The following ZNF79 variants were observed in gnomAD, a reference collection of about 807,000 sequenced individuals.
ZNF79 encodes the protein zinc finger protein 79, also known as ZNFpT7.
In ZNF79, 13 loss-of-function variants were observed where a neutral mutation model predicts 14.9. The ratio of observed to expected loss-of-function variants is 0.87; its 90% confidence interval spans 0.57 to 1.38. ZNF79 has a LOEUF of 1.38. Ranked by LOEUF, ZNF79 falls within the 40% of genes most tolerant of loss-of-function variation. The pLI, the probability that ZNF79 is intolerant of heterozygous loss-of-function variation, is 0.00. For synonymous variants in ZNF79, 223 were observed against 235.1 expected (o/e 0.95, Z 0.47); for missense variants, 631 against 630.6 (o/e 1.00, Z -0.01).
At chr9:127,432,050 T>A (rs1186569580) in intron 2 of ZNF79, among the ~76,000 whole-genome samples, 2 of 152,192 alleles carry the variant, frequency 1.3e-5, no homozygotes, top group Non-Finnish European at 2.9e-5. Flanking sequence ...ATTTTCATTT[T>A]TAAAATTTGC....
At chr9:127,438,849 G>A (rs915676541) in intron 4 of ZNF79, among the ~76,000 whole-genome samples, 3 of 152,166 alleles carry the variant, frequency 2.0e-5, no homozygotes, top group Non-Finnish European at 2.9e-5. Context: ...AGTGGCTCAC[G>A]CTTGTAATCC....
chr9:127,444,945 G>A lies in ZNF79; in HGVS notation c.1245G>A (p.Lys415=), dbSNP rs200154219. 6.2e-7 allele frequency: 1 copy of A among 1,613,968 alleles called. No homozygotes were observed. Among genetic ancestry groups the A allele is most frequent in the Non-Finnish European group, 8.5e-7 (1 of 1,180,008 alleles). ...IIHQKTHTGE[K]PYKCNECGKF... ...ACCAAAAGACCCACACCGGGGAGAA[G>A]CCATATAAATGTAATGAATGTGGGA... is the stretch of plus-strand genomic sequence containing the variant. The change falls in exon 5 of 5, where the codon AAG becomes AAA. Residue 415 remains lysine, a synonymous_variant. Coordinates refer to ENST00000342483, the MANE Select transcript of ZNF79 (RefSeq NM_007135.3).
In ZNF79 at chr9:127,445,237, C is replaced by T. The variant is rs370536293; in HGVS notation, c.*40C>T. 2.9e-5 allele frequency: 46 copies of T among 1,591,346 alleles called. No individual in the cohort carries two copies. The highest frequency in any genetic ancestry group is 3.5e-5 in the Non-Finnish European group (41 of 1,165,442). ...GAAGTGGAGAGAGTCCCGGACATGC[C>T]GACTCAGGACAGGTGGGTGAGGATC... On this transcript the variant is annotated 3_prime_UTR_variant, in exon 5 of 5. Transcript: ENST00000342483.
intron 4 of ZNF79, among the ~76,000 whole-genome samples, chr9:127,438,636 TC>T (rs767602824): frequency 3.3e-5 from 5 of 152,180 alleles, no homozygotes; most frequent in Non-Finnish European, 5.9e-5. Context: ...TGCGGATTCT[TC>T]CTGGCCTCTG....
chr9:127,424,442 C>G lies in ZNF79; in HGVS notation c.-346C>G. 1 of 278,840 alleles carries G rather than the reference C, an allele frequency of 3.6e-6. No homozygotes were observed. The highest frequency in any genetic ancestry group is 7.0e-6 in the Non-Finnish European group (1 of 141,918). The allele number at this position is 278,840 out of a possible 1,614,324, so 17.3% of individuals were successfully genotyped here. A position where few individuals can be genotyped will look rare whatever the true frequency, so the allele number is the denominator to read the frequency against. Reference sequence around the variant, plus strand: ...CTGGCGTTGGGCGGTACTTGGACAGCGGTTCTTGAGCTCTCGCGGTTGCCG... The same window carrying G: ...CTGGCGTTGGGCGGTACTTGGACAGGGGTTCTTGAGCTCTCGCGGTTGCCG... On this transcript the variant is annotated 5_prime_UTR_variant, in exon 1 of 5. Coordinates refer to ENST00000342483, the MANE Select transcript of ZNF79 (RefSeq NM_007135.3).
chr9:127,434,246 C>T (rs963046893), intron 2 of ZNF79, among the ~76,000 whole-genome samples: 5 of 152,090 alleles, frequency 3.3e-5, no homozygotes, highest in Non-Finnish European at 5.9e-5. Flanking sequence ...TGTGGTCCTC[C>T]CTCCCCGCCT....
rs370717672 is a variant in ZNF79 at position 127,428,826 on chromosome 9, C to T, written c.17-6C>T. 3.8e-6 allele frequency: 6 copies of T among 1,583,630 alleles called. No homozygotes were observed. The highest frequency in any genetic ancestry group is 5.1e-6 in the Non-Finnish European group (6 of 1,166,688). On this transcript the variant is annotated splice_region_variant and splice_polypyrimidine_tract_variant and intron_variant, in intron 1 of 4. Coordinates refer to ENST00000342483, the MANE Select transcript of ZNF79 (RefSeq NM_007135.3). ...TAACATTATTAGTTTTTTTCTCTTTCTCTAGTACTGCCTTCCCCAGGCCCT... is the reference window on the plus strand; with the variant it reads ...TAACATTATTAGTTTTTTTCTCTTTTTCTAGTACTGCCTTCCCCAGGCCCT...
At chr9:127,434,142 T>C (rs1474544478) in intron 2 of ZNF79, among the ~76,000 whole-genome samples, 1 of 152,084 alleles carries the variant, frequency 6.6e-6, no homozygotes. Context: ...CCTCCATGCT[T>C]CTGCTCATGG....
rs202095186 is a variant in ZNF79 at position 127,445,007 on chromosome 9, A to G, written c.1307A>G (p.His436Arg). Residue 436 changes from histidine (H) to arginine (R), a missense_variant, in exon 5 of 5, where the codon CAT (histidine) becomes CGT (arginine). Coordinates refer to ENST00000342483, the MANE Select transcript of ZNF79 (RefSeq NM_007135.3). ...FSESSALIRH[H>R]IIHTGEKPYE... ...GAGAGCTCAGCCCTCATTCGGCATC[A>G]TATAATCCACACCGGAGAAAAACCT... is the stretch of plus-strand genomic sequence containing the variant. 3.7e-6 allele frequency: 6 copies of G among 1,614,108 alleles called. No individual in the cohort carries two copies. Among genetic ancestry groups the G allele is most frequent in the African/African-American group, 1.3e-5 (1 of 74,932 alleles).
rs755043058 is a variant in ZNF79 at position 127,445,243 on chromosome 9, A to G, written c.*46A>G. 6.3e-7 allele frequency: 1 copy of G among 1,583,864 alleles called. No homozygotes were observed. Among genetic ancestry groups the G allele is most frequent in the Non-Finnish European group, 8.6e-7 (1 of 1,161,076 alleles). ...GAGAGAGTCCCGGACATGCCGACTC[A>G]GGACAGGTGGGTGAGGATCTGAGAA... On this transcript the variant is annotated 3_prime_UTR_variant, in exon 5 of 5. Transcript: ENST00000342483.
intron 4 of ZNF79, among the ~76,000 whole-genome samples, chr9:127,436,213 G>T (rs780946717): frequency 3.9e-5 from 6 of 152,244 alleles, no homozygotes; most frequent in Non-Finnish European, 5.9e-5. Flanking sequence ...AGCAAGCTCT[G>T]TCTGCCTCTA....
chr9:127,436,644 C>T (rs1353571770), intron 4 of ZNF79, among the ~76,000 whole-genome samples: 1 of 152,238 alleles, frequency 6.6e-6, no homozygotes, highest in East Asian at 1.9e-4. Flanking sequence ...CCACCTCTGG[C>T]AGGGCCTCAG....
chr9:127,431,567 G>A (rs1833862909), intron 2 of ZNF79, among the ~76,000 whole-genome samples: 1 of 152,152 alleles, frequency 6.6e-6, no homozygotes, highest in South Asian at 2.1e-4. Context: ...TTCTTTTGCT[G>A]TATAGAAGCT....
chr9:127,427,445 C>T (rs902259125), intron 1 of ZNF79, among the ~76,000 whole-genome samples: 1 of 149,972 alleles, frequency 6.7e-6, no homozygotes, highest in African/African-American at 2.4e-5. Context: ...AAACACAAAA[C>T]ATACACACAG....
In ZNF79 at chr9:127,425,718, G is replaced by A. The variant is rs140733534; in HGVS notation, c.16+915G>A. Among the ~76,000 whole-genome samples, 860 of 152,242 alleles carry A rather than the reference G, an allele frequency of 5.6e-3. 2 individuals are homozygous for A. Among genetic ancestry groups the A allele is most frequent in the Non-Finnish European group, 9.7e-3 (661 of 68,010 alleles). ...AGCGATTCTCCTGCCTCAGCCTCCT[G>A]AGTAGCTGGGACTACAGGTGCCCGA... On this transcript the variant is annotated intron_variant, in intron 1 of 4. Coordinates refer to ENST00000342483, the MANE Select transcript of ZNF79 (RefSeq NM_007135.3).
At chr9:127,433,616 T>C (rs1047369904) in intron 2 of ZNF79, among the ~76,000 whole-genome samples, 1 of 152,222 alleles carries the variant, frequency 6.6e-6, no homozygotes, top group Admixed American at 6.5e-5. Flanking sequence ...AGCTGACCTG[T>C]GTGCCTTACA....
chr9:127,426,462 C>T (rs1367336563), intron 1 of ZNF79, among the ~76,000 whole-genome samples: 1 of 151,706 alleles, frequency 6.6e-6, no homozygotes, highest in Non-Finnish European at 1.5e-5. Flanking sequence ...GCAACCTCCG[C>T]CTCCCGCGTT....
rs768474349 is a variant in ZNF79, at chr9:127,444,883, G to A, written c.1183G>A (p.Gly395Arg). 1.9e-6 allele frequency: 3 copies of A among 1,614,080 alleles called. No individual in the cohort carries two copies. Among genetic ancestry groups the A allele is most frequent in the Admixed American group, 1.7e-5 (1 of 59,992 alleles). ...GEKPYKCSECGKAFSQSTNLI... is the reference protein window; with the variant it reads ...GEKPYKCSECRKAFSQSTNLI... ...GAAACCCTACAAGTGCAGCGAGTGT[G>A]GGAAGGCCTTCAGCCAGAGTACCAA... The change falls in exon 5 of 5, where the codon GGG (glycine) becomes AGG (arginine). Residue 395 changes from glycine (G) to arginine (R), a missense_variant. Coordinates refer to ENST00000342483, the MANE Select transcript of ZNF79 (RefSeq NM_007135.3).
intron 4 of ZNF79, among the ~76,000 whole-genome samples, chr9:127,437,964 G>A (rs942930105): frequency 3.9e-5 from 6 of 152,088 alleles, no homozygotes; most frequent in African/African-American, 1.2e-4. Flanking sequence ...TCACCACATC[G>A]TTAGAAACAG....
Sources: allele counts gnomAD v4.1 joint callset (sites outside exome capture counted in the v4.1 genomes callset), GRCh38; gene constraint gnomAD v4.1.1; transcripts MANE v1.5; gene names NCBI Gene and HGNC (gene_info 2026-07-23, HGNC 2026-07-21).